The following WDR93 variants were observed in gnomAD, a reference collection of about 807,000 sequenced individuals.
The protein encoded by WDR93 is WD repeat-containing protein 93.
A neutral mutation model predicts 82.9 loss-of-function variants in WDR93; 73 were observed. That is an observed-to-expected ratio of 0.88 (90% CI 0.73 to 1.07). The LOEUF (loss-of-function observed/expected upper bound fraction) is 1.07, where lower values mean the gene tolerates loss of function less well. WDR93 is among the 50% of genes least tolerant of loss of function. WDR93 has a pLI of 0.00. For missense variants in WDR93, 738 were observed against 826.0 expected, an observed-to-expected ratio of 0.89 and a Z score of 1.31; for synonymous variants, 283 against 300.1, an observed-to-expected ratio of 0.94 and a Z score of 0.59.
At position 89,722,861 on chromosome 15, in the gene WDR93, AC is replaced by A. The variant is rs1466643937; in HGVS notation, c.880+724del. 3.3e-5 allele frequency among the ~76,000 whole-genome samples: 5 copies of A among 149,696 alleles called. No individual in the cohort carries two copies. In the South Asian group the frequency reaches 6.4e-4, roughly 19 times the overall value. ...CTAGTAGTTACGATTAAAAAAAAAAACCAGAAAAATGTTTACGGTAGCATTA... is the reference window on the plus strand; with the variant it reads ...CTAGTAGTTACGATTAAAAAAAAAAACAGAAAAATGTTTACGGTAGCATTA... On this transcript the variant is annotated intron_variant, in intron 8 of 16. Transcript: ENST00000268130.
At chr15:89,737,798 G>A in intron 15 of WDR93, 69 bp downstream of exon 15, 1 of 1,591,392 alleles carries the variant, frequency 6.3e-7, no homozygotes, top group Non-Finnish European at 8.6e-7. Context: ...CAAACAGAGA[G>A]AGCCCCTCCG....
intron 2 of WDR93, 32 bp from the exon 3 acceptor site, chr15:89,702,918 C>A: frequency 2.5e-6 from 4 of 1,606,216 alleles, no homozygotes; most frequent in Non-Finnish European, 3.4e-6. Flanking sequence ...ACAGTGACAA[C>A]TGAAAATAAT....
chr15:89,715,071 G>T lies in WDR93; in HGVS notation c.732G>T (p.Lys244Asn), dbSNP rs200138990. 4.3e-6 allele frequency: 7 copies of T among 1,613,730 alleles called. No homozygotes were observed. In the Admixed American group the frequency reaches 6.7e-5, roughly 15 times the overall value. The part of the protein sequence containing the change: ...LEHPQLTSNP[K>N]KKVRQPQLNS... The stretch of plus-strand genomic sequence containing the variant: ...ACCCCCAACTCACTTCAAATCCAAA[G>T]AAAAAAGTCAGACAGCCGCAACTGG... The change falls in exon 6 of 17, where the codon AAG becomes AAT. Residue 244 changes from lysine (K) to asparagine (N), a missense_variant. Lys to Asn is a moderately conservative substitution (Grantham distance 94). Transcript: ENST00000268130.
intron 1 of WDR93, among the ~76,000 whole-genome samples, chr15:89,700,138 C>T (rs1965383373): frequency 6.6e-6 from 1 of 152,140 alleles, no homozygotes; most frequent in African/African-American, 2.4e-5. Flanking sequence ...AACAGAGGAG[C>T]ATTTATTCTA....
rs1162578303 is a variant in WDR93 at position 89,714,832 on chromosome 15, C to G, written c.641-148C>G. 1.1e-5 allele frequency: 7 copies of G among 622,960 alleles called. No individual in the cohort carries two copies. The East Asian group carries it at 2.0e-4, about 17-fold the overall frequency. The allele number at this position is 622,960 out of a possible 1,614,324, so 38.6% of individuals were successfully genotyped here. A position where few individuals can be genotyped will look rare whatever the true frequency, so the allele number is the denominator to read the frequency against. ...AGGACTTGCAATAACCATTGCAGAA[C>G]TACTTCTCCTTCAGTATGTCAAAGT... On this transcript the variant is annotated intron_variant, in intron 5 of 16. Transcript: ENST00000268130.
At chr15:89,705,207 A>G (rs550865607) in intron 3 of WDR93, 1 of 245,914 alleles carries the variant, frequency 4.1e-6, no homozygotes, top group African/African-American at 2.3e-5. Context: ...CATTTGCAGG[A>G]AACAGTTGGA....
chr15:89,702,032 C>G lies in WDR93; in HGVS notation c.286C>G (p.Pro96Ala), dbSNP rs758900957. 2.5e-6 allele frequency: 4 copies of G among 1,609,360 alleles called. No homozygotes were observed. The African/African-American group carries it at 5.3e-5, about 22-fold the overall frequency. The change falls in exon 2 of 17, where the codon CCA becomes GCA. Residue 96 changes from proline to alanine, a missense_variant. Transcript: ENST00000268130. ...CCAGATCCAGCCCACCGTCTACCCT[C>G]CACTTGGAGAAATCCAGGTATGGAG... ...SSQIQPTVYP[P>A]LGEIQLNKMP... is the part of the protein sequence containing the mutation.
intron 4 of WDR93, among the ~76,000 whole-genome samples, chr15:89,706,634 A>T (rs1200765223): frequency 2.0e-5 from 3 of 152,178 alleles, no homozygotes; most frequent in Non-Finnish European, 2.9e-5. Flanking sequence ...GAGATTTTAG[A>T]TCTAAATGTA....
intron 1 of WDR93, among the ~76,000 whole-genome samples, chr15:89,701,229 C>T (rs12904355): frequency 0.44 from 66,358 of 151,598 alleles, 14,986 homozygotes; most frequent in African/African-American, 0.5. Flanking sequence ...GCAGCAGCAG[C>T]GGGAAAGGAG....
chr15:89,740,573 C>A (rs911398534), intron 16 of WDR93, among the ~76,000 whole-genome samples: 22 of 152,200 alleles, frequency 1.4e-4, no homozygotes, highest in Admixed American at 1.1e-3. Context: ...GCGATCTCGG[C>A]TCACTGCAAC....
At position 89,738,048 on chromosome 15, in the gene WDR93, T is replaced by C; in HGVS notation, c.1773T>C (p.Tyr591=). The C allele has an allele frequency of 6.2e-7, 1 of 1,610,028 alleles. No individual in the cohort carries two copies. Among genetic ancestry groups the C allele is most frequent in the Non-Finnish European group, 8.5e-7 (1 of 1,177,964 alleles). ...GTTCTTGTCTCGTCACAGGAGACTATTCACATGAAACTGCGTCCACCGACG... is the reference window on the plus strand; with the variant it reads ...GTTCTTGTCTCGTCACAGGAGACTACTCACATGAAACTGCGTCCACCGACG... ...DHPCFLLRGD[Y]SHETASTDDA... The change falls in exon 16 of 17, where the codon TAT becomes TAC. Residue 591 remains tyrosine, a synonymous_variant. Coordinates refer to ENST00000268130, the MANE Select transcript of WDR93 (RefSeq NM_020212.2).
intron 4 of WDR93, among the ~76,000 whole-genome samples, chr15:89,706,249 T>G (rs534357909): frequency 6.6e-6 from 1 of 152,292 alleles, no homozygotes; most frequent in East Asian, 1.9e-4. Context: ...CCTACAATAC[T>G]GTAAGTTCTC....
intron 9 of WDR93, among the ~76,000 whole-genome samples, chr15:89,727,600 C>T (rs1479011753): frequency 2.6e-5 from 4 of 151,770 alleles, no homozygotes; most frequent in Admixed American, 6.6e-5. Flanking sequence ...GAATTTTGAG[C>T]GAACATCAGC....
At chr15:89,702,547 GT>G (rs57978090) in intron 2 of WDR93, among the ~76,000 whole-genome samples, 2 of 150,608 alleles carry the variant, frequency 1.3e-5, no homozygotes, top group East Asian at 1.9e-4. Context: ...GTTTTTTGGG[GT>G]TTTTTTTTGA....
intron 13 of WDR93, among the ~76,000 whole-genome samples, 188 bp downstream of exon 13, chr15:89,733,407 T>C (rs1338902497): frequency 6.6e-6 from 1 of 152,216 alleles, no homozygotes; most frequent in South Asian, 2.1e-4. Context: ...AATTGTATGA[T>C]AGCACAGATG....
At chr15:89,735,414 T>C (rs1967082894) in intron 13 of WDR93, 76 bp from the exon 14 acceptor site, 1 of 1,445,426 alleles carries the variant, frequency 6.9e-7, no homozygotes, top group Non-Finnish European at 9.7e-7. Context: ...TTCTCCAGGA[T>C]ATATGCCTAG....
At chr15:89,726,942 AAGG>A (rs1172608544) in intron 8 of WDR93, among the ~76,000 whole-genome samples, 7 of 152,304 alleles carry the variant, frequency 4.6e-5, no homozygotes, top group Admixed American at 3.9e-4. Context: ...GATACAGAAG[AAGG>A]AGGACAGCAG....
chr15:89,719,319 A>T (rs1488963990), intron 7 of WDR93, among the ~76,000 whole-genome samples: 1 of 152,248 alleles, frequency 6.6e-6, no homozygotes, highest in Admixed American at 6.5e-5. Flanking sequence ...TTAAAATGTT[A>T]GGTAGACTTT....
chr15:89,724,954 A>G (rs1421556267), intron 8 of WDR93, among the ~76,000 whole-genome samples: 1 of 152,218 alleles, frequency 6.6e-6, no homozygotes, highest in Non-Finnish European at 1.5e-5. Context: ...CAGTATTTAC[A>G]CTGCTAGGTG....
Sources: allele counts gnomAD v4.1 joint callset (sites outside exome capture counted in the v4.1 genomes callset), GRCh38; gene constraint gnomAD v4.1.1; transcripts MANE v1.5; gene names NCBI Gene and HGNC (gene_info 2026-07-23, HGNC 2026-07-21).